AMN1: variants seen among roughly 807,000 people sequenced by gnomAD.
The protein encoded by AMN1 is antagonist of mitotic exit network 1 homolog, also known as protein AMN1 homolog.
In AMN1, 20 loss-of-function variants were observed where a neutral mutation model predicts 33.0. That is an observed-to-expected ratio of 0.61 (90% CI 0.43 to 0.88). AMN1 has a LOEUF of 0.88. AMN1 is among the 40% of genes least tolerant of loss of function. AMN1 has a pLI of 0.00. For missense variants in AMN1, 246 were observed against 307.4 expected (o/e 0.80, Z 1.49); for synonymous variants, 114 against 111.9 (o/e 1.02, Z -0.12).
intron 5 of AMN1, among the ~76,000 whole-genome samples, chr12:31,694,853 T>C (rs531681931): frequency 6.6e-6 from 1 of 152,070 alleles, no homozygotes. Flanking sequence ...CCTATAGTTC[T>C]AGCACTTTAG....
intron 3 of AMN1, among the ~76,000 whole-genome samples, chr12:31,699,451 A>G (rs1938892420): frequency 6.6e-6 from 1 of 151,416 alleles, no homozygotes; most frequent in African/African-American, 2.4e-5. Context: ...AGGAAGAAGA[A>G]AAAACAAACA....
intron 5 of AMN1, among the ~76,000 whole-genome samples, chr12:31,690,889 A>G (rs1281746921): frequency 6.6e-6 from 1 of 152,202 alleles, no homozygotes; most frequent in Non-Finnish European, 1.5e-5. Context: ...TAATCCCAGC[A>G]CTTTGGGAGG....
intron 2 of AMN1, 146 bp downstream of exon 2, chr12:31,709,147 C>T: frequency 1.1e-6 from 1 of 893,294 alleles, no homozygotes; most frequent in South Asian, 1.4e-5. Context: ...TGTACTCCAG[C>T]CTGGGCAACG....
intron 6 of AMN1, among the ~76,000 whole-genome samples, chr12:31,681,833 G>T (rs1296012386): frequency 6.6e-6 from 1 of 152,040 alleles, no homozygotes; most frequent in Non-Finnish European, 1.5e-5. Flanking sequence ...GCACCACCAT[G>T]CCCAGCTAAT....
At chr12:31,673,294 C>A (rs1592142903) in intron 6 of AMN1, among the ~76,000 whole-genome samples, 1 of 149,298 alleles carries the variant, frequency 6.7e-6, no homozygotes, top group African/African-American at 2.5e-5. Flanking sequence ...TATACAGTGA[C>A]AAAATTTTAT....
intron 1 of AMN1, among the ~76,000 whole-genome samples, chr12:31,712,801 G>A (rs2139714959): frequency 6.6e-6 from 1 of 151,928 alleles, no homozygotes; most frequent in South Asian, 2.1e-4. Context: ...GACTACAGGT[G>A]CATGCCACCA....
At chr12:31,709,517 C>T (rs1386097725) in intron 1 of AMN1, 92 bp from the exon 2 acceptor site, 2 of 1,451,904 alleles carry the variant, frequency 1.4e-6, no homozygotes, top group Non-Finnish European at 1.8e-6. Flanking sequence ...TTAGCCCTTT[C>T]ATAAAAGTGT....
intron 1 of AMN1, among the ~76,000 whole-genome samples, chr12:31,727,675 A>T (rs1940132057): frequency 6.6e-6 from 1 of 152,172 alleles, no homozygotes; most frequent in African/African-American, 2.4e-5. Context: ...CCTTATTAGA[A>T]ATTTCAAAAG....
chr12:31,728,967 T>C lies in AMN1; in HGVS notation c.38+4A>G. On this transcript the variant is annotated splice_donor_region_variant and intron_variant, in intron 1 of 6. Transcript: ENST00000281471. ...CGAAGGGAGGCGGGACAGGGTAGAC[T>C]CACAGATCCAGGAGCTGACTGACCC... 6.5e-7 allele frequency: 1 copy of C among 1,546,462 alleles called. No individual in the cohort carries two copies. The highest frequency in any genetic ancestry group is 8.7e-7 in the Non-Finnish European group (1 of 1,143,964).
chr12:31,713,864 A>AT (rs1939566398), intron 1 of AMN1, among the ~76,000 whole-genome samples: 2 of 151,390 alleles, frequency 1.3e-5, no homozygotes, highest in East Asian at 2.0e-4. Context: ...AGAAAAAAAA[A>AT]ATTTTCTGAT....
intron 1 of AMN1, among the ~76,000 whole-genome samples, chr12:31,717,396 T>C (rs773478776): frequency 1.3e-4 from 20 of 152,248 alleles, no homozygotes; most frequent in Admixed American, 4.6e-4. Context: ...TGAATAGTGC[T>C]GCAATAAACA....
At chr12:31,690,493 A>G (rs1199464626) in intron 5 of AMN1, among the ~76,000 whole-genome samples, 1 of 151,956 alleles carries the variant, frequency 6.6e-6, no homozygotes, top group East Asian at 1.9e-4. Flanking sequence ...TTTGCTTTGC[A>G]TTTCCGTAAT....
At chr12:31,712,858 G>A (rs1939521531) in intron 1 of AMN1, among the ~76,000 whole-genome samples, 1 of 151,992 alleles carries the variant, frequency 6.6e-6, no homozygotes, top group African/African-American at 2.4e-5. Context: ...GTTTCACCAT[G>A]TTAGCCAGGA....
intron 1 of AMN1, 109 bp downstream of exon 1, chr12:31,728,862 G>A (rs1361344746): frequency 2.3e-6 from 3 of 1,316,888 alleles, no homozygotes; most frequent in Non-Finnish European, 3.1e-6. Context: ...CTCTTCAGAG[G>A]TCGGCGGGGG....
intron 2 of AMN1, among the ~76,000 whole-genome samples, chr12:31,705,483 C>A (rs1171540275): frequency 1.3e-5 from 2 of 151,708 alleles, no homozygotes; most frequent in Non-Finnish European, 2.9e-5. Flanking sequence ...CAGAGTGAGA[C>A]CCTGTCTCAA....
rs138967958 is a variant in AMN1, at chr12:31,684,012, T to C, written c.703+4995A>G. Among the ~76,000 whole-genome samples, 1,107 of 152,292 alleles carry C rather than the reference T, an allele frequency of 7.3e-3. 18 individuals are homozygous for C. Among genetic ancestry groups the C allele is most frequent in the African/African-American group, 0.025 (1,055 of 41,554 alleles). ...AGGACCTTTCTAATGACATCAGTTATTATGTTAACAACTGATTTTTGTTTT... is the reference window on the plus strand; with the variant it reads ...AGGACCTTTCTAATGACATCAGTTACTATGTTAACAACTGATTTTTGTTTT... On this transcript the variant is annotated intron_variant, in intron 6 of 6. Coordinates refer to ENST00000281471, the MANE Select transcript of AMN1 (RefSeq NM_001113402.2).
chr12:31,718,857 C>T (rs951972281), intron 1 of AMN1, among the ~76,000 whole-genome samples: 1 of 152,242 alleles, frequency 6.6e-6, no homozygotes, highest in African/African-American at 2.4e-5. Context: ...ACTTTGTTTA[C>T]ACTGTGAGCA....
At chr12:31,699,947 T>G (rs1219953746) in intron 3 of AMN1, among the ~76,000 whole-genome samples, 1 of 152,168 alleles carries the variant, frequency 6.6e-6, no homozygotes, top group Non-Finnish European at 1.5e-5. Context: ...CTGTCAGAAG[T>G]GTGGTGTGAG....
intron 6 of AMN1, chr12:31,673,126 T>TA (rs1298462185): frequency 2.0e-5 from 3 of 152,212 alleles, no homozygotes; most frequent in Non-Finnish European, 4.4e-5. Context: ...TTTGTTAGTT[T>TA]AAATATTACT....
Sources: gnomAD v4.1 joint callset for allele counts (sites outside exome capture counted in the v4.1 genomes callset) on GRCh38, gnomAD v4.1.1 for gene constraint, MANE v1.5 for transcripts, NCBI Gene and HGNC (gene_info 2026-07-23, HGNC 2026-07-21) for gene names.